Variants in SMPD3 observed in about 807,000 individuals in gnomAD.
The protein encoded by SMPD3 is sphingomyelin phosphodiesterase 3, also known as nSMase-2.
Under a neutral mutation model 55.7 loss-of-function variants are expected in SMPD3, and 21 were observed. That is an observed-to-expected ratio of 0.38 (90% confidence interval 0.27 to 0.54). The LOEUF (loss-of-function observed/expected upper bound fraction) is 0.54, where lower values mean the gene tolerates loss of function less well. Ranked by LOEUF, SMPD3 falls within the 20% of genes least tolerant of loss-of-function variation. SMPD3 has a pLI of 0.80. For synonymous variants in SMPD3, 457 were observed against 404.3 expected, an observed-to-expected ratio of 1.13 and a Z score of -1.56; for missense variants, 842 against 899.6, an observed-to-expected ratio of 0.94 and a Z score of 0.82.
At chr16:68,397,442 G>T (rs2090167466) in intron 1 of SMPD3, among the ~76,000 whole-genome samples, 1 of 152,208 alleles carries the variant, frequency 6.6e-6, no homozygotes, top group Non-Finnish European at 1.5e-5. Context: ...GGGGCTGAGG[G>T]ATGATGGGGA....
intron 1 of SMPD3, among the ~76,000 whole-genome samples, chr16:68,423,434 C>T (rs375291624): frequency 1.1e-4 from 16 of 152,178 alleles, no homozygotes; most frequent in Non-Finnish European, 1.0e-4. Context: ...ATGGGGCTGG[C>T]GGCTTTATAA....
At chr16:68,416,479 G>A (rs1019905510) in intron 1 of SMPD3, among the ~76,000 whole-genome samples, 2 of 152,098 alleles carry the variant, frequency 1.3e-5, no homozygotes, top group South Asian at 2.1e-4. Flanking sequence ...GAATGTTACC[G>A]GCAAACCTTA....
chr16:68,397,767 C>T (rs866458237), intron 1 of SMPD3, among the ~76,000 whole-genome samples: 2 of 152,098 alleles, frequency 1.3e-5, no homozygotes, highest in Admixed American at 1.3e-4. Context: ...TGGCCTTTTG[C>T]GGGGGCGGGG....
chr16:68,400,728 C>T lies in SMPD3; in HGVS notation c.-268-14069G>A, dbSNP rs554271065. Among the ~76,000 whole-genome samples, 3 of 152,308 alleles carry T rather than the reference C, an allele frequency of 2.0e-5. No individual in the cohort carries two copies. In the East Asian group the frequency reaches 5.8e-4, roughly 29 times the overall value. On this transcript the variant is annotated intron_variant, in intron 1 of 8. Coordinates refer to ENST00000219334, the MANE Select transcript of SMPD3 (RefSeq NM_018667.4). Reference sequence around the variant, plus strand: ...TCTGCCATGGTTGTGCCTCTCCAGCCCCGACAAAGGTGCCTAGACACCTGG... The same window carrying T: ...TCTGCCATGGTTGTGCCTCTCCAGCTCCGACAAAGGTGCCTAGACACCTGG...
intron 1 of SMPD3, among the ~76,000 whole-genome samples, chr16:68,445,495 A>C (rs145955507): frequency 6.6e-6 from 1 of 152,348 alleles, no homozygotes; most frequent in African/African-American, 2.4e-5. Context: ...TTCAGACAAG[A>C]ACATCAACTC....
intron 1 of SMPD3, among the ~76,000 whole-genome samples, chr16:68,416,344 C>CCT (rs1212578368): frequency 1.3e-5 from 2 of 152,298 alleles, no homozygotes; most frequent in African/African-American, 4.8e-5. Flanking sequence ...TTCCCATCTC[C>CCT]CTCTCTCTGG....
At chr16:68,417,801 G>A (rs1176205445) in intron 1 of SMPD3, among the ~76,000 whole-genome samples, 1 of 152,172 alleles carries the variant, frequency 6.6e-6, no homozygotes, top group Non-Finnish European at 1.5e-5. Context: ...ACCCTGCGTG[G>A]AATGAAGTAG....
At chr16:68,445,137 T>C (rs2090600308) in intron 1 of SMPD3, among the ~76,000 whole-genome samples, 1 of 152,244 alleles carries the variant, frequency 6.6e-6, no homozygotes, top group Non-Finnish European at 1.5e-5. Context: ...TTTTTGCATT[T>C]GGTAATAGCC....
intron 1 of SMPD3, among the ~76,000 whole-genome samples, chr16:68,397,543 T>C (rs1268598540): frequency 6.6e-6 from 1 of 152,134 alleles, no homozygotes; most frequent in Non-Finnish European, 1.5e-5. Flanking sequence ...GTGATCTTTC[T>C]AGGTACACAC....
intron 1 of SMPD3, among the ~76,000 whole-genome samples, chr16:68,398,663 G>A (rs1476553940): frequency 6.6e-6 from 1 of 152,210 alleles, no homozygotes; most frequent in East Asian, 1.9e-4. Flanking sequence ...CCTTTCCTCA[G>A]TTCAAAGTTG....
intron 7 of SMPD3, 90 bp from the exon 8 acceptor site, chr16:68,361,849 G>T (rs540263654): frequency 8.3e-6 from 11 of 1,331,230 alleles, no homozygotes; most frequent in Non-Finnish European, 1.0e-5. Flanking sequence ...TCTCCTCCCA[G>T]TGTGGGAGCG....
intron 2 of SMPD3, among the ~76,000 whole-genome samples, chr16:68,372,647 C>A (rs1195465132): frequency 6.6e-6 from 1 of 152,228 alleles, no homozygotes; most frequent in Non-Finnish European, 1.5e-5. Flanking sequence ...GACCTTGTAA[C>A]CCAATTGCTT....
intron 1 of SMPD3, among the ~76,000 whole-genome samples, chr16:68,415,180 G>A (rs2055796926): frequency 6.6e-6 from 1 of 152,182 alleles, no homozygotes; most frequent in African/African-American, 2.4e-5. Flanking sequence ...CGCCCAGAGA[G>A]TGGATAAAAT....
intron 1 of SMPD3, among the ~76,000 whole-genome samples, chr16:68,411,409 GAC>G (rs2090299640): frequency 6.6e-6 from 1 of 152,332 alleles, no homozygotes; most frequent in South Asian, 2.1e-4. Flanking sequence ...TCAGGCTAGA[GAC>G]CTGGTCTTGT....
chr16:68,405,660 T>C (rs914916523), intron 1 of SMPD3, among the ~76,000 whole-genome samples: 2 of 151,252 alleles, frequency 1.3e-5, no homozygotes, highest in Admixed American at 6.6e-5. Context: ...CAGATGAAAA[T>C]AGTGACTTCT....
At chr16:68,417,373 G>C (rs2090347809) in intron 1 of SMPD3, among the ~76,000 whole-genome samples, 1 of 152,166 alleles carries the variant, frequency 6.6e-6, no homozygotes, top group African/African-American at 2.4e-5. Context: ...CAGCTAAGAG[G>C]GGCTGGGTTG....
intron 6 of SMPD3, 105 bp from the exon 7 acceptor site, chr16:68,363,664 G>T: frequency 6.9e-7 from 1 of 1,441,470 alleles, no homozygotes; most frequent in Non-Finnish European, 9.5e-7. Context: ...GCCAGGGGCA[G>T]CTGAATGGGG....
At chr16:68,403,026 A>G (rs1166565431) in intron 1 of SMPD3, among the ~76,000 whole-genome samples, 3 of 152,164 alleles carry the variant, frequency 2.0e-5, no homozygotes, top group Non-Finnish European at 2.9e-5. Flanking sequence ...TGCAGCACAG[A>G]GTGTCATGCT....
At chr16:68,421,301 GCT>G (rs1388144103) in intron 1 of SMPD3, among the ~76,000 whole-genome samples, 2 of 152,196 alleles carry the variant, frequency 1.3e-5, no homozygotes. Context: ...GCTTTCTGTG[GCT>G]CTGTCTGGCG....
Sources: allele counts gnomAD v4.1 joint callset (sites outside exome capture counted in the v4.1 genomes callset), GRCh38; gene constraint gnomAD v4.1.1; transcripts MANE v1.5; gene names NCBI Gene and HGNC (gene_info 2026-07-23, HGNC 2026-07-21).